The following MAGI2 variants were observed in gnomAD, a reference collection of about 807,000 sequenced individuals.
MAGI2 encodes membrane-associated guanylate kinase, WW and PDZ domain-containing protein 2.
In MAGI2, 35 loss-of-function variants were observed where a neutral mutation model predicts 133.3. That is an observed-to-expected ratio of 0.26 (90% CI 0.20 to 0.35). MAGI2 has a LOEUF of 0.35. MAGI2 is among the 10% of genes least tolerant of loss of function. MAGI2 has a pLI of 1.00. For synonymous variants in MAGI2, 729 were observed against 710.6 expected (o/e 1.03, Z -0.41); for missense variants, 1,636 against 1,863.4 (o/e 0.88, Z 2.25).
chr7:79,396,863 G>T (rs759219284), intron 1 of MAGI2, among the ~76,000 whole-genome samples: 1 of 144,810 alleles, frequency 6.9e-6, no homozygotes, highest in Non-Finnish European at 1.5e-5. Context: ...TGACCTGGAA[G>T]ACAGAGTCAC....
At chr7:78,206,290 C>CTT (rs774941321) in intron 10 of MAGI2, among the ~76,000 whole-genome samples, 1 of 111,250 alleles carries the variant, frequency 9.0e-6, no homozygotes, top group East Asian at 3.0e-4. Context: ...TTTCCTTTTC[C>CTT]TTTCTTTTTT....
intron 1 of MAGI2, among the ~76,000 whole-genome samples, chr7:79,345,366 A>T (rs1841234083): frequency 6.6e-6 from 1 of 152,072 alleles, no homozygotes; most frequent in South Asian, 2.1e-4. Context: ...ATTCTTTCTC[A>T]CAGGACTCAG....
At chr7:79,339,605 T>C (rs1049637280) in intron 1 of MAGI2, among the ~76,000 whole-genome samples, 32 of 152,156 alleles carry the variant, frequency 2.1e-4, no homozygotes, top group African/African-American at 7.7e-4. Flanking sequence ...CCTTTAGTCT[T>C]AGTTCTACTA....
intron 2 of MAGI2, among the ~76,000 whole-genome samples, chr7:78,830,674 A>T (rs1464046328): frequency 6.6e-6 from 1 of 152,184 alleles, no homozygotes; most frequent in East Asian, 1.9e-4. Flanking sequence ...ATGAAAAAAA[A>T]TGGGAGTGAG....
intron 2 of MAGI2, among the ~76,000 whole-genome samples, chr7:78,667,469 C>T (rs1277813545): frequency 6.6e-6 from 1 of 151,032 alleles, no homozygotes; most frequent in Non-Finnish European, 1.5e-5. Flanking sequence ...ATATATGTGC[C>T]ATGCTGGTGT....
intron 6 of MAGI2, among the ~76,000 whole-genome samples, chr7:78,400,930 G>T (rs1174157517): frequency 1.3e-5 from 2 of 152,086 alleles, no homozygotes; most frequent in Non-Finnish European, 2.9e-5. Flanking sequence ...CTTTCTCGCT[G>T]TCATAGTCAA....
intron 2 of MAGI2, among the ~76,000 whole-genome samples, chr7:78,775,186 G>A (rs367999224): frequency 2.6e-5 from 4 of 151,514 alleles, no homozygotes; most frequent in Non-Finnish European, 4.4e-5. Context: ...GGTGGCAGGC[G>A]CCTGTAGTCC....
At chr7:79,384,470 G>C (rs915504802) in intron 1 of MAGI2, among the ~76,000 whole-genome samples, 1 of 146,892 alleles carries the variant, frequency 6.8e-6, no homozygotes, top group Non-Finnish European at 1.5e-5. Flanking sequence ...AAATAACTTA[G>C]ATCATTTGCT....
intron 3 of MAGI2, among the ~76,000 whole-genome samples, chr7:78,558,657 C>CT (rs1800069714): frequency 6.6e-6 from 1 of 151,988 alleles, no homozygotes; most frequent in Non-Finnish European, 1.5e-5. Context: ...TCTTCACTGC[C>CT]TTTTTGGGTC....
intron 1 of MAGI2, among the ~76,000 whole-genome samples, chr7:79,079,876 C>T (rs2129541793): frequency 6.6e-6 from 1 of 152,140 alleles, no homozygotes; most frequent in East Asian, 1.9e-4. Context: ...AATAATTTCA[C>T]AATGTATTAT....
rs186192600 is a variant in MAGI2, at chr7:79,002,716, A to C, written c.418+4374T>G. Among the ~76,000 whole-genome samples the C allele has an allele frequency of 3.3e-5, 5 of 152,218 alleles. No individual in the cohort carries two copies. The East Asian group carries it at 9.7e-4, about 30-fold the overall frequency. Reference sequence around the variant, plus strand: ...AAATCTCCAAACATTTCCATTGAGAAACTGCACAATTGTCTTCTTAAGATG... The same window carrying C: ...AAATCTCCAAACATTTCCATTGAGACACTGCACAATTGTCTTCTTAAGATG... On this transcript the variant is annotated intron_variant, in intron 2 of 21. Transcript: ENST00000354212.
At chr7:78,753,369 G>A (rs1315853377) in intron 2 of MAGI2, among the ~76,000 whole-genome samples, 1 of 151,906 alleles carries the variant, frequency 6.6e-6, no homozygotes, top group Non-Finnish European at 1.5e-5. Flanking sequence ...TAATAGACCA[G>A]ATAATCAGTA....
intron 9 of MAGI2, among the ~76,000 whole-genome samples, chr7:78,256,941 A>C (rs951308586): frequency 6.6e-6 from 1 of 152,180 alleles, no homozygotes; most frequent in Non-Finnish European, 1.5e-5. Flanking sequence ...CAGTTAATAT[A>C]ATTTTCGAAC....
At chr7:79,387,094 T>TTGTGTGTG (rs3050633) in intron 1 of MAGI2, among the ~76,000 whole-genome samples, 23,624 of 141,390 alleles carry the variant, frequency 0.17, 2,338 homozygotes, top group African/African-American at 0.27. Flanking sequence ...ATTTTTATGC[T>TTGTGTGTG]TGTGTGTGTG....
chr7:79,416,719 C>CTTTTTTTTTT (rs1169090958), intron 1 of MAGI2, among the ~76,000 whole-genome samples: 1 of 99,266 alleles, frequency 1.0e-5, no homozygotes, highest in African/African-American at 4.5e-5. Context: ...CTTTTCTTTT[C>CTTTTTTTTTT]TTTTTCTTTT....
intron 2 of MAGI2, among the ~76,000 whole-genome samples, chr7:78,751,430 C>T (rs549469636): frequency 1.1e-4 from 17 of 152,310 alleles, no homozygotes; most frequent in African/African-American, 3.4e-4. Flanking sequence ...AGCAAAAGGA[C>T]GACAGAAGTC....
At chr7:78,945,252 G>A (rs1801323966) in intron 2 of MAGI2, among the ~76,000 whole-genome samples, 1 of 151,874 alleles carries the variant, frequency 6.6e-6, no homozygotes, top group African/African-American at 2.4e-5. Flanking sequence ...AGTAGAGATG[G>A]GGTTTCACCA....
intron 2 of MAGI2, among the ~76,000 whole-genome samples, chr7:78,668,073 G>A (rs200697976): frequency 0.013 from 2,008 of 151,596 alleles, 46 homozygotes; most frequent in African/African-American, 0.047. Flanking sequence ...TGACTTTTTA[G>A]TGATTGCCAT....
At chr7:78,796,602 A>T (rs1014054607) in intron 2 of MAGI2, among the ~76,000 whole-genome samples, 1 of 152,188 alleles carries the variant, frequency 6.6e-6, no homozygotes, top group Non-Finnish European at 1.5e-5. Context: ...TTAAAATAGC[A>T]TATGATCCAG....
Sources: allele counts gnomAD v4.1 joint callset (sites outside exome capture counted in the v4.1 genomes callset), GRCh38; gene constraint gnomAD v4.1.1; transcripts MANE v1.5; gene names NCBI Gene and HGNC (gene_info 2026-07-23, HGNC 2026-07-21).